UBE2D3: variants seen among roughly 807,000 people sequenced by gnomAD.
The protein encoded by UBE2D3 is ubiquitin-conjugating enzyme E2 D3.
In UBE2D3, 2 loss-of-function variants were observed where a neutral mutation model predicts 22.8. The ratio of observed to expected loss-of-function variants is 0.09; its 90% CI spans 0.04 to 0.28. UBE2D3 has a LOEUF of 0.28. Among genes scored for constraint, UBE2D3 ranks in the 10% least tolerant of loss-of-function variants. UBE2D3 has a pLI of 1.00. For missense variants in UBE2D3, 27 were observed against 182.5 expected (o/e 0.15, Z 4.91); for synonymous variants, 56 against 60.4 (o/e 0.93, Z 0.34).
chr4:102,825,846 T>A (rs1466016557), intron 2 of UBE2D3: 1 of 449,658 alleles, frequency 2.2e-6, no homozygotes, highest in Non-Finnish European at 4.5e-6. Context: ...TAGCTTCGGG[T>A]GAAAAGCTGC....
chr4:102,797,292 A>C lies in UBE2D3; in HGVS notation c.*123T>G. The stretch of plus-strand genomic sequence containing the variant: ...GTGAATGAATGGAGGGAGGTAAACA[A>C]AAAATAAAATTAAAAAAGATGAGGT... On this transcript the variant is annotated 3_prime_UTR_variant, in exon 8 of 8. Transcript: ENST00000453744. 1 of 816,132 alleles carries C rather than the reference A, an allele frequency of 1.2e-6. No homozygotes were observed. Among genetic ancestry groups the C allele is most frequent in the Non-Finnish European group, 1.9e-6 (1 of 526,424 alleles). The allele number at this position is 816,132 out of a possible 1,614,324, so 50.6% of individuals were successfully genotyped here.
rs907057391 is a variant in UBE2D3 at position 102,795,383 on chromosome 4, A to G, written c.*2032T>C. The G allele has an allele frequency of 1.3e-5, 2 of 152,154 alleles. No individual in the cohort carries two copies. Among genetic ancestry groups the G allele is most frequent in the African/African-American group, 4.8e-5 (2 of 41,472 alleles). 9.4% of individuals were successfully genotyped at this position (152,154 alleles called of 1,614,324 possible). ...GTTATTTTGAGACTATATGCATCTC[A>G]GAAGTAATTTTGAAAATAGAGCCAA... On this transcript the variant is annotated 3_prime_UTR_variant, in exon 8 of 8. Coordinates refer to ENST00000453744, the MANE Select transcript of UBE2D3 (RefSeq NM_181891.3).
chr4:102,807,255 T>C (rs541901765), intron 4 of UBE2D3, among the ~76,000 whole-genome samples: 11 of 152,312 alleles, frequency 7.2e-5, no homozygotes, highest in African/African-American at 2.6e-4. Flanking sequence ...CAAAATAAGC[T>C]ACTATTTATC....
intron 1 of UBE2D3, among the ~76,000 whole-genome samples, chr4:102,865,360 C>T (rs868612404): frequency 6.6e-6 from 1 of 151,766 alleles, no homozygotes; most frequent in South Asian, 2.1e-4. Flanking sequence ...GGAGTGGTGG[C>T]GGGCGCCTGT....
At chr4:102,833,694 A>C (rs1731233744) in intron 1 of UBE2D3, among the ~76,000 whole-genome samples, 1 of 152,208 alleles carries the variant, frequency 6.6e-6, no homozygotes, top group Non-Finnish European at 1.5e-5. Flanking sequence ...AATAAACCTG[A>C]TTCTGAAATG....
At chr4:102,850,154 ATACAT>A (rs1423428844) in intron 1 of UBE2D3, among the ~76,000 whole-genome samples, 1 of 152,218 alleles carries the variant, frequency 6.6e-6, no homozygotes, top group Non-Finnish European at 1.5e-5. Context: ...TGGTGAAAAT[ATACAT>A]TACATAATTT....
chr4:102,844,364 C>T (rs1340728739), intron 1 of UBE2D3, among the ~76,000 whole-genome samples: 1 of 152,170 alleles, frequency 6.6e-6, no homozygotes, highest in African/African-American at 2.4e-5. Flanking sequence ...AGGCATGAGC[C>T]ACTGTGCCTG....
At chr4:102,811,627 G>A (rs747296891) in intron 2 of UBE2D3, 12 of 306,246 alleles carry the variant, frequency 3.9e-5, no homozygotes, top group East Asian at 2.2e-4. Flanking sequence ...GCTGCAGATC[G>A]CGCCACTGCA....
chr4:102,803,953 G>C (rs996439430), intron 4 of UBE2D3, among the ~76,000 whole-genome samples: 2 of 151,990 alleles, frequency 1.3e-5, no homozygotes, highest in South Asian at 2.1e-4. Flanking sequence ...ATTTTTAGTA[G>C]AGACTGAGTT....
At chr4:102,812,168 C>CT (rs1728155660) in intron 2 of UBE2D3, 1 of 156,510 alleles carries the variant, frequency 6.4e-6, no homozygotes, top group African/African-American at 2.4e-5. Context: ...TGGCATGTGC[C>CT]TGTAGTCCCA....
At chr4:102,817,081 G>A (rs1470682707) in intron 2 of UBE2D3, among the ~76,000 whole-genome samples, 1 of 152,150 alleles carries the variant, frequency 6.6e-6, no homozygotes, top group Non-Finnish European at 1.5e-5. Context: ...CCAAGAACAA[G>A]GAGTGAGAGA....
intron 2 of UBE2D3, among the ~76,000 whole-genome samples, chr4:102,814,272 A>C (rs1483967199): frequency 6.7e-6 from 1 of 148,404 alleles, no homozygotes; most frequent in Non-Finnish European, 1.5e-5. Context: ...TTGCAACTTA[A>C]ATTATCCACT....
upstream of UBE2D3, among the ~76,000 whole-genome samples, chr4:102,830,658 G>A (rs1731070401): frequency 6.6e-6 from 1 of 152,208 alleles, no homozygotes. Context: ...GAGCCCAGGA[G>A]TTTGAGACCA....
At position 102,795,154 on chromosome 4, in the gene UBE2D3, G is replaced by A. The variant is rs375714869; in HGVS notation, c.*2261C>T. On this transcript the variant is annotated 3_prime_UTR_variant, in exon 8 of 8. Coordinates refer to ENST00000453744, the MANE Select transcript of UBE2D3 (RefSeq NM_181891.3). ...CCTTAGAAGCAACAAATGAAATGAT[G>A]TATAAAGCATCAAGTCAAAGATACA... The A allele has an allele frequency of 5.9e-5, 9 of 152,002 alleles. No homozygotes were observed. Among genetic ancestry groups the A allele is most frequent in the African/African-American group, 1.9e-4 (8 of 41,414 alleles). 9.4% of individuals were successfully genotyped at this position (152,002 alleles called of 1,614,324 possible). A position where few individuals can be genotyped will look rare whatever the true frequency, so the allele number is the denominator to read the frequency against.
chr4:102,867,081 C>T (rs1277484185), intron 1 of UBE2D3, among the ~76,000 whole-genome samples: 1 of 152,222 alleles, frequency 6.6e-6, no homozygotes, highest in Non-Finnish European at 1.5e-5. Context: ...AAACATGAAC[C>T]TGTATCTAAA....
At chr4:102,831,668 C>T (rs986654957), upstream of UBE2D3, among the ~76,000 whole-genome samples, 1 of 152,176 alleles carries the variant, frequency 6.6e-6, no homozygotes, top group African/African-American at 2.4e-5. Flanking sequence ...AGGCCACATA[C>T]TGTTTGATTC....
intron 6 of UBE2D3, among the ~76,000 whole-genome samples, chr4:102,799,817 T>C (rs1725847822): frequency 8.3e-6 from 1 of 120,022 alleles, no homozygotes; most frequent in African/African-American, 3.3e-5. Flanking sequence ...CTTGAGTTTC[T>C]TGGTACTCAG....
chr4:102,867,725 A>C (rs1483427345), intron 1 of UBE2D3, among the ~76,000 whole-genome samples: 1 of 152,180 alleles, frequency 6.6e-6, no homozygotes, highest in East Asian at 1.9e-4. Context: ...CTTAAGCCGG[A>C]GTTAGAGTCT....
At chr4:102,807,259 A>G (rs1727211145) in intron 4 of UBE2D3, among the ~76,000 whole-genome samples, 2 of 152,208 alleles carry the variant, frequency 1.3e-5, no homozygotes, top group African/African-American at 2.4e-5. Context: ...ATAAGCTACT[A>G]TTTATCTTAT....
Sources: gnomAD v4.1 joint callset for allele counts (sites outside exome capture counted in the v4.1 genomes callset) on GRCh38, gnomAD v4.1.1 for gene constraint, MANE v1.5 for transcripts, NCBI Gene and HGNC (gene_info 2026-07-23, HGNC 2026-07-21) for gene names.